The following SHANK2 variants were observed in gnomAD, a reference collection of about 807,000 sequenced individuals.
SHANK2 encodes SH3 and multiple ankyrin repeat domains 2.
SHANK2 carries 43 observed loss-of-function variants against 133.7 expected under a neutral mutation model. The observed-to-expected ratio is 0.32, with a 90% confidence interval of 0.25 to 0.41. SHANK2 has a LOEUF of 0.41. SHANK2 is among the 10% of genes least tolerant of loss of function. SHANK2 has a pLI of 1.00. For missense variants in SHANK2, 1,994 were observed against 2,235.8 expected, an observed-to-expected ratio of 0.89 and a Z score of 2.18; for synonymous variants, 1,017 against 952.8, an observed-to-expected ratio of 1.07 and a Z score of -1.24.
At chr11:70,505,957 G>T (rs1370175744) in intron 17 of SHANK2, among the ~76,000 whole-genome samples, 1 of 152,222 alleles carries the variant, frequency 6.6e-6, no homozygotes, top group Non-Finnish European at 1.5e-5. Flanking sequence ...GGCCAGAGCT[G>T]GCCCTTGGCC....
chr11:70,557,182 TCA>T (rs2059844475), intron 17 of SHANK2, among the ~76,000 whole-genome samples: 1 of 121,516 alleles, frequency 8.2e-6, no homozygotes, highest in Non-Finnish European at 1.8e-5. Flanking sequence ...ATTCATTCAT[TCA>T]TTCACCTCTT....
intron 3 of SHANK2, among the ~76,000 whole-genome samples, chr11:71,143,778 A>T (rs1239856040): frequency 2.0e-5 from 3 of 152,200 alleles, no homozygotes; most frequent in Non-Finnish European, 4.4e-5. Context: ...ACATACATAA[A>T]GTAAGATTCC....
intron 10 of SHANK2, among the ~76,000 whole-genome samples, chr11:70,955,006 AC>A (rs1204900660): frequency 6.6e-6 from 1 of 152,190 alleles, no homozygotes; most frequent in Non-Finnish European, 1.5e-5. Context: ...AGGTACCCAA[AC>A]CACCAAGCAC....
In SHANK2 at chr11:70,820,566, G is replaced by A. The variant is rs1555055675; in HGVS notation, c.1291C>T (p.Pro431Ser). 2 of 716,964 alleles carry A rather than the reference G, an allele frequency of 2.8e-6. No homozygotes were observed. The highest frequency in any genetic ancestry group is 2.3e-4 in the Middle Eastern group (1 of 4,366). The allele number at this position is 716,964 out of a possible 1,614,324, so 44.4% of individuals were successfully genotyped here. A position where few individuals can be genotyped will look rare whatever the true frequency, so the allele number is the denominator to read the frequency against. Residue 431 changes from proline (P) to serine (S), a missense_variant, in exon 12 of 26, where the codon CCC (proline) becomes TCC (serine). By Grantham distance (74) the Pro-to-Ser change is moderately conservative. This residue lies in a region of SHANK2 where 653 missense variants were observed against 563.4 expected (regional missense o/e 1.16). Transcript: ENST00000601538. ...GCCGTGGAGCAGACGGCCCAGTCGGGAGCGCTGGCATTGAGGTTGTTGTCA... is the reference window on the plus strand; with the variant it reads ...GCCGTGGAGCAGACGGCCCAGTCGGAAGCGCTGGCATTGAGGTTGTTGTCA... Reference protein sequence around the residue: ...NSDNNLNASAPDWAVCSTATS... With the variant: ...NSDNNLNASASDWAVCSTATS...
At chr11:70,618,491 T>C (rs2060786862) in intron 17 of SHANK2, among the ~76,000 whole-genome samples, 2 of 152,136 alleles carry the variant, frequency 1.3e-5, no homozygotes, top group Admixed American at 1.3e-4. Context: ...CACCCCGCCC[T>C]AGGTTCCAAT....
chr11:70,582,384 C>T (rs782124039), intron 17 of SHANK2, among the ~76,000 whole-genome samples: 4 of 152,234 alleles, frequency 2.6e-5, no homozygotes, highest in South Asian at 2.1e-4. Context: ...CTGCAAGTGA[C>T]GGGAGGGCTG....
Position 71,153,097 on chromosome 11 carries a change from G to C in SHANK2, c.-12-5759C>G, listed in dbSNP as rs76952674. Among the ~76,000 whole-genome samples the C allele has an allele frequency of 4.0e-4, 61 of 152,284 alleles. 1 individual carries two copies. The East Asian group carries it at 7.9e-3, about 20-fold the overall frequency. The stretch of plus-strand genomic sequence containing the variant: ...TCTGGCAACACCATGGGAGAGCCAG[G>C]GGGGCTGGGCTGAGTTCTCTAACCC... On this transcript the variant is annotated intron_variant, in intron 2 of 25. Transcript: ENST00000601538.
intron 1 of SHANK2, among the ~76,000 whole-genome samples, chr11:71,232,032 C>T (rs56002435): frequency 6.6e-6 from 1 of 152,120 alleles, no homozygotes; most frequent in Non-Finnish European, 1.5e-5. Flanking sequence ...TGGAACATTA[C>T]TCAGCAATAA....
chr11:70,869,182 G>T (rs1434108212), intron 11 of SHANK2, among the ~76,000 whole-genome samples: 6 of 152,172 alleles, frequency 3.9e-5, no homozygotes, highest in African/African-American at 1.4e-4. Flanking sequence ...AACCAGTCCA[G>T]AGACCCCTTG....
intron 17 of SHANK2, among the ~76,000 whole-genome samples, chr11:70,568,646 G>GCCCCCCCCCCCCCCCCCCCCCCCCCC (rs66982078): frequency 1.3e-5 from 1 of 79,966 alleles, no homozygotes. Context: ...GCGGATTCCT[G>GCCCCCCCCCCCCCCCCCCCCCCCCCC]CCCCCCCCGC....
At chr11:70,756,216 C>G (rs782437087) in intron 14 of SHANK2, among the ~76,000 whole-genome samples, 32 of 152,186 alleles carry the variant, frequency 2.1e-4, no homozygotes, top group Non-Finnish European at 3.8e-4. Flanking sequence ...CTCTCTTCCA[C>G]CCTCCAGCCA....
chr11:70,853,512 G>T (rs1590760336), intron 11 of SHANK2, among the ~76,000 whole-genome samples: 1 of 152,180 alleles, frequency 6.6e-6, no homozygotes, highest in Admixed American at 6.5e-5. Flanking sequence ...TATGGCCAGG[G>T]GGGATGCCTC....
chr11:70,617,569 G>A (rs1004371703), intron 17 of SHANK2, among the ~76,000 whole-genome samples: 13 of 152,120 alleles, frequency 8.5e-5, no homozygotes, highest in Admixed American at 6.5e-5. Flanking sequence ...CTGTCGCCAC[G>A]GGAAGCATAG....
rs146976384 is a variant in SHANK2, at chr11:70,617,997, A to T, written c.2061+41831T>A. Among the ~76,000 whole-genome samples the T allele has an allele frequency of 3.5e-3, 528 of 152,284 alleles. 5 individuals carry two copies. The highest frequency in any genetic ancestry group is 0.012 in the African/African-American group (492 of 41,556). ...AAAACTTAAAGTATAATAATAATAAAAAAAAGATGTTTGATTCAGGCTGGG... is the reference window on the plus strand; with the variant it reads ...AAAACTTAAAGTATAATAATAATAATAAAAAGATGTTTGATTCAGGCTGGG... On this transcript the variant is annotated intron_variant, in intron 17 of 25. Transcript: ENST00000601538.
At chr11:70,770,401 C>T (rs1205576975) in intron 14 of SHANK2, among the ~76,000 whole-genome samples, 10 of 152,198 alleles carry the variant, frequency 6.6e-5, no homozygotes, top group African/African-American at 2.4e-4. Context: ...TGGGTGGGAA[C>T]TTTCTGTGCC....
chr11:71,242,563 C>A (rs1954909278), intron 1 of SHANK2, among the ~76,000 whole-genome samples: 1 of 152,200 alleles, frequency 6.6e-6, no homozygotes, highest in African/African-American at 2.4e-5. Flanking sequence ...CAGCAGCCCC[C>A]CTGGCTCCCA....
intron 13 of SHANK2, among the ~76,000 whole-genome samples, chr11:70,805,073 T>C (rs1325380529): frequency 6.6e-6 from 1 of 152,194 alleles, no homozygotes; most frequent in Non-Finnish European, 1.5e-5. Flanking sequence ...AGTCCACAGA[T>C]GCCCAGCCCC....
At chr11:70,950,834 T>C (rs930004076) in intron 10 of SHANK2, among the ~76,000 whole-genome samples, 49 of 151,880 alleles carry the variant, frequency 3.2e-4, no homozygotes, top group African/African-American at 1.1e-3. Context: ...TTTGTTATGT[T>C]TTGTTTTGGT....
intron 2 of SHANK2, among the ~76,000 whole-genome samples, chr11:71,164,883 C>T (rs1348455399): frequency 6.6e-6 from 1 of 152,170 alleles, no homozygotes; most frequent in Non-Finnish European, 1.5e-5. Flanking sequence ...ACGGCTATGA[C>T]TCCACCATGA....
Sources: allele counts gnomAD v4.1 joint callset (sites outside exome capture counted in the v4.1 genomes callset), GRCh38; gene constraint gnomAD v4.1.1; regional missense constraint gnomAD v4.1.1; transcripts MANE v1.5; gene names NCBI Gene and HGNC (gene_info 2026-07-23, HGNC 2026-07-21).